Variants in IFT80 observed in about 807,000 individuals in gnomAD.
IFT80 encodes intraflagellar transport 80.
In IFT80, 79 loss-of-function variants were observed where a neutral mutation model predicts 107.9. That is an observed-to-expected ratio of 0.73 (90% CI 0.61 to 0.88). The LOEUF (loss-of-function observed/expected upper bound fraction) is 0.88. Ranked by LOEUF, IFT80 falls within the 40% of genes least tolerant of loss-of-function variation. The pLI, the probability that IFT80 is intolerant of heterozygous loss-of-function variation, is 0.00. For synonymous variants in IFT80, 299 were observed against 300.9 expected, an observed-to-expected ratio of 0.99 and a Z score of 0.07; for missense variants, 797 against 914.2, an observed-to-expected ratio of 0.87 and a Z score of 1.65.
chr3:160,281,703 C>T (rs1427420417), intron 14 of IFT80, among the ~76,000 whole-genome samples: 3 of 152,128 alleles, frequency 2.0e-5, no homozygotes, highest in African/African-American at 7.2e-5. Flanking sequence ...ATACAAACTT[C>T]CTCTAGAAAC....
At chr3:160,304,438 T>TC (rs1716676143) in intron 10 of IFT80, among the ~76,000 whole-genome samples, 1 of 148,506 alleles carries the variant, frequency 6.7e-6, no homozygotes, top group African/African-American at 2.5e-5. Flanking sequence ...ATTTTTTCTT[T>TC]TTTTTTTTTT....
chr3:160,383,521 T>C, intron 2 of IFT80: 1 of 785,898 alleles, frequency 1.3e-6, no homozygotes, highest in Non-Finnish European at 1.5e-6. Flanking sequence ...TTCGAATCCA[T>C]TGCATATGGA....
At chr3:160,387,291 G>A (rs981849291) in intron 1 of IFT80, among the ~76,000 whole-genome samples, 1 of 152,162 alleles carries the variant, frequency 6.6e-6, no homozygotes, top group African/African-American at 2.4e-5. Context: ...GGATCACGAG[G>A]TGAGGAGTTC....
At chr3:160,301,941 A>G (rs567213000) in intron 11 of IFT80, among the ~76,000 whole-genome samples, 2 of 152,116 alleles carry the variant, frequency 1.3e-5, no homozygotes, top group African/African-American at 4.8e-5. Flanking sequence ...CAGTGTATAT[A>G]TATCTCCATA....
chr3:160,333,893 G>A (rs1004371203), intron 8 of IFT80, among the ~76,000 whole-genome samples: 3 of 152,052 alleles, frequency 2.0e-5, no homozygotes, highest in African/African-American at 7.2e-5. Context: ...GTACATAATT[G>A]TATGTACTGT....
chr3:160,274,491 A>G (rs1029754281), intron 18 of IFT80: 2 of 152,190 alleles, frequency 1.3e-5, no homozygotes, highest in Non-Finnish European at 2.9e-5. Flanking sequence ...GATGAAGAGT[A>G]TTGCATAGAG....
intron 9 of IFT80, 79 bp from the exon 10 acceptor site, chr3:160,307,860 AAC>A (rs900964596): frequency 2.4e-5 from 19 of 784,108 alleles, no homozygotes; most frequent in Non-Finnish European, 4.2e-5. Context: ...AAGATTTTGA[AAC>A]ACAAAAAATT....
At position 160,381,680 on chromosome 3, in the gene IFT80, G is replaced by A. The variant is rs1226291953; in HGVS notation, c.82C>T (p.Leu28=). ...SCVGWTTAEE[L]YSCSDDHQIV... Reference sequence around the variant, plus strand: ...TGGTGATCATCACTACATGAATACAGCTCTTCAGCAGTAGTCCAGCCCACA... The same window carrying A: ...TGGTGATCATCACTACATGAATACAACTCTTCAGCAGTAGTCCAGCCCACA... The change falls in exon 3 of 20, where the codon CTG becomes TTG. Residue 28 remains leucine, a synonymous_variant. Coordinates refer to ENST00000326448, the MANE Select transcript of IFT80 (RefSeq NM_020800.3). 1.2e-6 allele frequency: 2 copies of A among 1,612,128 alleles called. No homozygotes were observed. Among genetic ancestry groups the A allele is most frequent in the Non-Finnish European group, 1.7e-6 (2 of 1,179,916 alleles).
At chr3:160,320,633 A>T (rs1475234688) in intron 8 of IFT80, among the ~76,000 whole-genome samples, 1 of 151,862 alleles carries the variant, frequency 6.6e-6, no homozygotes, top group African/African-American at 2.4e-5. Flanking sequence ...CAGATGCAAC[A>T]TATGTTATTT....
chr3:160,355,956 T>C, intron 8 of IFT80, 57 bp downstream of exon 8: 4 of 1,579,078 alleles, frequency 2.5e-6, no homozygotes, highest in Non-Finnish European at 3.5e-6. Context: ...ACCATGTGTG[T>C]TGTGCATTAC....
rs754136912 is a variant in IFT80, at chr3:160,377,424, A to G, written c.370+6T>C. The G allele has an allele frequency of 2.2e-5, 33 of 1,491,722 alleles. No homozygotes were observed. The highest frequency in any genetic ancestry group is 2.9e-5 in the Non-Finnish European group (31 of 1,069,126). The allele number at this position is 1,491,722 out of a possible 1,614,324, so 92.4% of individuals were successfully genotyped here. On this transcript the variant is annotated splice_donor_region_variant and intron_variant, in intron 4 of 19. Transcript: ENST00000326448. Reference sequence around the variant, plus strand: ...ATTTCAAATGTCATTTTTACAGACAACTTACCTGTAACTAATGCTGTTCCT... The same window carrying G: ...ATTTCAAATGTCATTTTTACAGACAGCTTACCTGTAACTAATGCTGTTCCT...
At chr3:160,377,832 C>A (rs1052354816) in intron 3 of IFT80, 1 of 225,038 alleles carries the variant, frequency 4.4e-6, no homozygotes, top group Non-Finnish European at 8.7e-6. Context: ...AATTTAAATA[C>A]CTATGGTCTG....
intron 12 of IFT80, among the ~76,000 whole-genome samples, chr3:160,298,892 A>ACTATGACATTACAATGG (rs1559926138): frequency 6.6e-6 from 1 of 152,172 alleles, no homozygotes; most frequent in Admixed American, 6.5e-5. Flanking sequence ...AAGGTAATGC[A>ACTATGACATTACAATGG]CTATGACATT....
chr3:160,389,561 A>G (rs1308841226), intron 1 of IFT80, among the ~76,000 whole-genome samples: 1 of 137,356 alleles, frequency 7.3e-6, no homozygotes, highest in Non-Finnish European at 1.5e-5. Context: ...ATTCCCACCT[A>G]TGAGTGAGAA....
intron 8 of IFT80, among the ~76,000 whole-genome samples, chr3:160,347,776 T>C (rs1426767450): frequency 6.6e-6 from 1 of 152,174 alleles, no homozygotes; most frequent in Non-Finnish European, 1.5e-5. Flanking sequence ...GCACTTTAGG[T>C]ATACAGAATA....
At chr3:160,310,198 C>T (rs967853961) in intron 9 of IFT80, among the ~76,000 whole-genome samples, 9 of 152,108 alleles carry the variant, frequency 5.9e-5, no homozygotes, top group Admixed American at 3.3e-4. Flanking sequence ...GGGAAATGTA[C>T]AAAAGAAGCC....
intron 8 of IFT80, among the ~76,000 whole-genome samples, chr3:160,322,880 G>T (rs1718360773): frequency 6.6e-6 from 1 of 152,054 alleles, no homozygotes; most frequent in Non-Finnish European, 1.5e-5. Flanking sequence ...TTTTGATGGG[G>T]TTGTTTGTTT....
At chr3:160,282,762 A>C (rs926619325) in intron 13 of IFT80, 149 bp from the exon 14 acceptor site, 45 of 629,274 alleles carry the variant, frequency 7.2e-5, no homozygotes, top group Non-Finnish European at 1.2e-4. Context: ...AATAATTTTA[A>C]ACTGCCAATA....
intron 12 of IFT80, among the ~76,000 whole-genome samples, chr3:160,288,040 C>T (rs1715230346): frequency 6.6e-6 from 1 of 152,174 alleles, no homozygotes; most frequent in African/African-American, 2.4e-5. Context: ...AATCTTTAAA[C>T]AGTTATTAAG....
Sources: gnomAD v4.1 joint callset for allele counts (sites outside exome capture counted in the v4.1 genomes callset) on GRCh38, gnomAD v4.1.1 for gene constraint, MANE v1.5 for transcripts, NCBI Gene and HGNC (gene_info 2026-07-23, HGNC 2026-07-21) for gene names.